The following LYPLA1 variants were observed in gnomAD, a reference collection of about 807,000 sequenced individuals.
The protein encoded by LYPLA1 is lysophospholipase 1, also known as acyl-protein thioesterase 1.
In LYPLA1, 17 loss-of-function variants were observed where a neutral mutation model predicts 34.0. That is an observed-to-expected ratio of 0.50 (90% CI 0.34 to 0.75). The LOEUF is 0.75. LYPLA1 is among the 30% of genes least tolerant of loss of function. LYPLA1 has a pLI of 0.01. For synonymous variants in LYPLA1, 98 were observed against 100.8 expected, an observed-to-expected ratio of 0.97 and a Z score of 0.17; for missense variants, 203 against 288.8, an observed-to-expected ratio of 0.70 and a Z score of 2.15.
intron 7 of LYPLA1, 97 bp downstream of exon 7, chr8:54,052,555 AGTT>A: frequency 1.3e-6 from 1 of 745,466 alleles, no homozygotes; most frequent in East Asian, 2.7e-5. Flanking sequence ...CAAAAAATAA[AGTT>A]TATTAATAAA....
intron 2 of LYPLA1, chr8:54,073,405 T>C: frequency 1.3e-6 from 1 of 778,276 alleles, no homozygotes. Flanking sequence ...TTGTAAATGC[T>C]GGCACGGCCA....
intron 8 of LYPLA1, among the ~76,000 whole-genome samples, chr8:54,050,396 A>C (rs920284221): frequency 6.6e-6 from 1 of 152,200 alleles, no homozygotes; most frequent in Non-Finnish European, 1.5e-5. Context: ...TCTCACTTCA[A>C]CCAAAAACAC....
intron 4 of LYPLA1, 32 bp downstream of exon 4, chr8:54,063,296 T>G (rs772022608): frequency 1.5e-6 from 2 of 1,298,224 alleles, no homozygotes; most frequent in Middle Eastern, 2.6e-4. Flanking sequence ...AGTAATATAA[T>G]GTTCTTATTC....
At chr8:54,080,177 G>A (rs1421156483) in intron 2 of LYPLA1, among the ~76,000 whole-genome samples, 3 of 151,962 alleles carry the variant, frequency 2.0e-5, no homozygotes, top group Non-Finnish European at 4.4e-5. Flanking sequence ...CTTGACCTTA[G>A]GAGTTCAAGA....
chr8:54,051,571 C>A (rs1805845814), intron 7 of LYPLA1, among the ~76,000 whole-genome samples: 1 of 152,080 alleles, frequency 6.6e-6, no homozygotes, highest in Non-Finnish European at 1.5e-5. Flanking sequence ...CCTCAGCCTC[C>A]CAAGTAGCTG....
intron 2 of LYPLA1, among the ~76,000 whole-genome samples, chr8:54,075,983 T>C (rs796327499): frequency 6.6e-6 from 1 of 152,038 alleles, no homozygotes; most frequent in African/African-American, 2.4e-5. Flanking sequence ...TGTGCCACGG[T>C]CACACTATGT....
chr8:54,052,799 G>A, intron 6 of LYPLA1, 43 bp from the exon 7 acceptor site: 1 of 1,219,992 alleles, frequency 8.2e-7, no homozygotes, highest in South Asian at 1.2e-5. Context: ...ACACATGCTT[G>A]CCCACAGCAA....
chr8:54,092,576 G>A (rs1459871470), intron 2 of LYPLA1, among the ~76,000 whole-genome samples: 1 of 152,098 alleles, frequency 6.6e-6, no homozygotes, highest in African/African-American at 2.4e-5. Flanking sequence ...TGGATGATTC[G>A]AAGGTCTATA....
chr8:54,043,948 G>A (rs1359552313), downstream of LYPLA1, among the ~76,000 whole-genome samples: 2 of 152,060 alleles, frequency 1.3e-5, no homozygotes, highest in South Asian at 2.1e-4. Context: ...CTGGAGTGCA[G>A]TGGCATGATC....
At chr8:54,086,555 C>CAAAA (rs1220626412) in intron 2 of LYPLA1, among the ~76,000 whole-genome samples, 5 of 64,536 alleles carry the variant, frequency 7.7e-5, no homozygotes, top group Non-Finnish European at 1.2e-4. Context: ...CAAAGGGTAC[C>CAAAA]AAAAAAAAAA....
chr8:54,084,124 G>GGAAAAAAAAAAAAAAAAAAAAAAAAAAAA (rs1554547911), intron 2 of LYPLA1, among the ~76,000 whole-genome samples: 1 of 56,388 alleles, frequency 1.8e-5, no homozygotes, highest in African/African-American at 8.9e-5. Flanking sequence ...GGAGACCAAA[G>GGAAAAAAAAAAAAAAAAAAAAAAAAAAAA]AAAAAAAAAA....
intron 2 of LYPLA1, among the ~76,000 whole-genome samples, chr8:54,075,242 GAAC>G (rs970344613): frequency 1.3e-5 from 2 of 152,232 alleles, no homozygotes; most frequent in African/African-American, 4.8e-5. Context: ...GACAGAAGCA[GAAC>G]AACTGATTTG....
intron 2 of LYPLA1, among the ~76,000 whole-genome samples, chr8:54,082,085 A>C (rs956830372): frequency 1.3e-5 from 2 of 152,214 alleles, no homozygotes; most frequent in Non-Finnish European, 2.9e-5. Context: ...ATTGAGATAC[A>C]GACTGTATCC....
At chr8:54,096,730 G>A (rs552798325) in intron 2 of LYPLA1, among the ~76,000 whole-genome samples, 12 of 149,712 alleles carry the variant, frequency 8.0e-5, no homozygotes, top group Admixed American at 2.0e-4. Context: ...ACGACAGGGC[G>A]AGACAAGGTC....
chr8:54,080,687 A>C (rs938728614), intron 2 of LYPLA1, among the ~76,000 whole-genome samples: 15 of 152,114 alleles, frequency 9.9e-5, no homozygotes, highest in Non-Finnish European at 2.2e-4. Context: ...TCCTGAGTAA[A>C]AGTGATTCTC....
At chr8:54,100,788 A>C (rs1810072439) in intron 2 of LYPLA1, 120 bp downstream of exon 2, 2 of 811,580 alleles carry the variant, frequency 2.5e-6, no homozygotes, top group Admixed American at 2.1e-5. Context: ...TGTAAGATAC[A>C]TTAACTGGCA....
At chr8:54,060,384 C>A (rs1389684570) in intron 5 of LYPLA1, among the ~76,000 whole-genome samples, 1 of 152,030 alleles carries the variant, frequency 6.6e-6, no homozygotes, top group East Asian at 1.9e-4. Flanking sequence ...CTCAGCCTCC[C>A]AAAGTGCTGG....
At chr8:54,044,816 C>T (rs943380496), downstream of LYPLA1, 1 of 152,160 alleles carries the variant, frequency 6.6e-6, no homozygotes, top group African/African-American at 2.4e-5. Flanking sequence ...TACTTACATA[C>T]CTTATCTCAT....
At chr8:54,070,794 G>A (rs1807402515) in intron 2 of LYPLA1, among the ~76,000 whole-genome samples, 1 of 152,188 alleles carries the variant, frequency 6.6e-6, no homozygotes, top group Non-Finnish European at 1.5e-5. Flanking sequence ...TGAGAAGGAA[G>A]TACTGACATG....
Sources: gnomAD v4.1 joint callset for allele counts (sites outside exome capture counted in the v4.1 genomes callset) on GRCh38, gnomAD v4.1.1 for gene constraint, MANE v1.5 for transcripts, NCBI Gene and HGNC (gene_info 2026-07-23, HGNC 2026-07-21) for gene names.